Variants in HDAC9 observed in about 807,000 individuals in gnomAD.
HDAC9 encodes histone deacetylase 9.
In HDAC9, 41 loss-of-function variants were observed where a neutral mutation model predicts 139.4. The ratio of observed to expected loss-of-function variants is 0.29; its 90% confidence interval spans 0.23 to 0.38. HDAC9 has a LOEUF of 0.38. HDAC9 is among the 10% of genes least tolerant of loss of function. The pLI, the probability that HDAC9 is intolerant of heterozygous loss-of-function variation, is 1.00. For missense variants in HDAC9, 1,147 were observed against 1,297.0 expected, an observed-to-expected ratio of 0.88 and a Z score of 1.78; for synonymous variants, 517 against 476.2, an observed-to-expected ratio of 1.09 and a Z score of -1.12.
intron 1 of HDAC9, among the ~76,000 whole-genome samples, chr7:18,470,793 A>G (rs978959489): frequency 6.6e-6 from 1 of 152,278 alleles, no homozygotes; most frequent in East Asian, 1.9e-4. Context: ...AAATGCAAAG[A>G]CCAAGTTCTT....
intron 12 of HDAC9, among the ~76,000 whole-genome samples, chr7:18,681,935 A>T (rs1197497279): frequency 6.6e-6 from 1 of 152,038 alleles, no homozygotes; most frequent in Non-Finnish European, 1.5e-5. Flanking sequence ...GCTTCTCAGT[A>T]GATTGGGATT....
chr7:18,997,220 G>GTT lies in HDAC9; in HGVS notation c.*1160_*1161dup, dbSNP rs1188334445. On this transcript the variant is annotated 3_prime_UTR_variant, in exon 26 of 26. Transcript: ENST00000686413. ...AAGCAACGTTGCTAAATTTCTATGT[G>GTT]TTTGAAATGTGTTAATGAAGGCACT... The GTT allele has an allele frequency of 6.6e-6, 1 of 150,938 alleles. No individual in the cohort carries two copies. Among genetic ancestry groups the GTT allele is most frequent in the African/African-American group, 2.4e-5 (1 of 41,072 alleles). The allele number at this position is 150,938 out of a possible 1,614,324, so 9.3% of individuals were successfully genotyped here.
intron 6 of HDAC9, among the ~76,000 whole-genome samples, chr7:18,626,787 C>A (rs1012744191): frequency 6.6e-6 from 1 of 152,106 alleles, no homozygotes; most frequent in African/African-American, 2.4e-5. Flanking sequence ...AAAATCATTT[C>A]TTTCTGAAAA....
chr7:18,917,667 C>G (rs1312685170), intron 22 of HDAC9, among the ~76,000 whole-genome samples: 1 of 151,976 alleles, frequency 6.6e-6, no homozygotes, highest in African/African-American at 2.4e-5. Context: ...TGTGTCCTTT[C>G]ATTGGACAAA....
At chr7:18,305,304 C>T (rs528546236) in intron 1 of HDAC9, among the ~76,000 whole-genome samples, 6 of 152,232 alleles carry the variant, frequency 3.9e-5, no homozygotes, top group South Asian at 4.2e-4. Flanking sequence ...TATCCTAGGC[C>T]GGTGCCTGAC....
chr7:18,627,527 A>G (rs1414309461), intron 6 of HDAC9, among the ~76,000 whole-genome samples: 1 of 152,230 alleles, frequency 6.6e-6, no homozygotes, highest in Non-Finnish European at 1.5e-5. Flanking sequence ...ATGAAAACAT[A>G]TCTAAGTACA....
At position 18,439,747 on chromosome 7, in the gene HDAC9, C is replaced by A. The variant is rs541517944; in HGVS notation, c.-41-56515C>A. On this transcript the variant is annotated intron_variant, in intron 1 of 3. Coordinates refer to the HDAC9 transcript ENST00000413509. ...TATGTAGAAAGAGTAAGAGAAGTAT[C>A]ATTTCATAAAACTTTAATCTCTTTC... is the stretch of plus-strand genomic sequence containing the variant. Among the ~76,000 whole-genome samples, 6 of 152,248 alleles carry A rather than the reference C, an allele frequency of 3.9e-5. No homozygotes were observed. The East Asian group carries it at 1.2e-3, about 29-fold the overall frequency.
intron 24 of HDAC9, among the ~76,000 whole-genome samples, chr7:18,974,872 G>A (rs1054600433): frequency 1.3e-5 from 2 of 152,164 alleles, no homozygotes; most frequent in Admixed American, 6.5e-5. Context: ...GCCCAATCCA[G>A]CGTTCATCCA....
chr7:18,895,090 G>A (rs1489413888), intron 22 of HDAC9, among the ~76,000 whole-genome samples: 3 of 152,046 alleles, frequency 2.0e-5, no homozygotes, highest in Non-Finnish European at 2.9e-5. Flanking sequence ...GTGAAAAAGG[G>A]GATCTACTAG....
chr7:18,218,311 G>A (rs915804786), intron 2 of HDAC9, among the ~76,000 whole-genome samples: 10 of 151,994 alleles, frequency 6.6e-5, no homozygotes, highest in African/African-American at 2.2e-4. Flanking sequence ...AGGCATGGTG[G>A]TACACGCCTG....
intron 17 of HDAC9, among the ~76,000 whole-genome samples, chr7:18,797,115 C>T (rs1490358412): frequency 6.6e-6 from 1 of 152,176 alleles, no homozygotes; most frequent in Non-Finnish European, 1.5e-5. Flanking sequence ...CTATTATTCT[C>T]ACAATGTACC....
At chr7:18,286,429 T>C (rs1420800410), upstream of HDAC9, among the ~76,000 whole-genome samples, 3 of 149,044 alleles carry the variant, frequency 2.0e-5, no homozygotes, top group East Asian at 5.8e-4. Flanking sequence ...AAAATAATAA[T>C]TATAGTTTAT....
At chr7:18,424,552 T>C (rs1403980879) in intron 1 of HDAC9, among the ~76,000 whole-genome samples, 1 of 152,246 alleles carries the variant, frequency 6.6e-6, no homozygotes, top group East Asian at 1.9e-4. Flanking sequence ...ATGGCTATTA[T>C]GTGATTATAT....
intron 2 of HDAC9, among the ~76,000 whole-genome samples, chr7:18,276,138 A>G (rs1303056944): frequency 6.6e-6 from 1 of 152,236 alleles, no homozygotes. Flanking sequence ...ACTAAAAATA[A>G]TTGCAATCAT....
At chr7:18,158,556 A>T (rs1344698659) in intron 1 of HDAC9, among the ~76,000 whole-genome samples, 1 of 152,218 alleles carries the variant, frequency 6.6e-6, no homozygotes, top group Non-Finnish European at 1.5e-5. Flanking sequence ...TGCCAGCCAC[A>T]TATCTGTAAA....
chr7:18,941,962 T>A (rs890571995), intron 23 of HDAC9, among the ~76,000 whole-genome samples: 1 of 152,036 alleles, frequency 6.6e-6, no homozygotes, highest in African/African-American at 2.4e-5. Flanking sequence ...TTCTATATAG[T>A]CTTTAGGTTT....
chr7:18,120,031 G>A (rs551519011), intron 1 of HDAC9, among the ~76,000 whole-genome samples: 4 of 152,160 alleles, frequency 2.6e-5, no homozygotes, highest in African/African-American at 9.7e-5. Flanking sequence ...ATCACAGTTT[G>A]TATCTGGAAA....
chr7:18,367,284 A>C (rs1024162148), intron 1 of HDAC9, among the ~76,000 whole-genome samples: 1 of 152,104 alleles, frequency 6.6e-6, no homozygotes. Context: ...ATCAAGCTGG[A>C]TGGGAGCCAT....
chr7:18,658,057 T>TG (rs1791832183), intron 11 of HDAC9, among the ~76,000 whole-genome samples: 1 of 152,106 alleles, frequency 6.6e-6, no homozygotes, highest in Non-Finnish European at 1.5e-5. Flanking sequence ...GATTGTGTTT[T>TG]GGGGTCTGTC....
Sources: gnomAD v4.1 joint callset for allele counts (sites outside exome capture counted in the v4.1 genomes callset) on GRCh38, gnomAD v4.1.1 for gene constraint, MANE v1.5 for transcripts, NCBI Gene and HGNC (gene_info 2026-07-23, HGNC 2026-07-21) for gene names.